Variants in MTF1 observed in about 807,000 individuals in gnomAD.
MTF1 encodes MRE-binding transcription factor.
In MTF1, 22 loss-of-function variants were observed where a neutral mutation model predicts 70.4. That is an observed-to-expected ratio of 0.31 (90% CI 0.22 to 0.45). The LOEUF is 0.45. Among genes scored for constraint, MTF1 ranks in the 20% least tolerant of loss-of-function variants. The probability of loss-of-function intolerance (pLI) is 1.00; values close to 1 mark genes in which losing one functional copy is unlikely to be tolerated. For synonymous variants in MTF1, 333 were observed against 352.8 expected, an observed-to-expected ratio of 0.94 and a Z score of 0.63; for missense variants, 649 against 922.0, an observed-to-expected ratio of 0.70 and a Z score of 3.83.
chr1:37,852,463 T>A (rs1641430281), intron 2 of MTF1, among the ~76,000 whole-genome samples: 1 of 152,176 alleles, frequency 6.6e-6, no homozygotes, highest in African/African-American at 2.4e-5. Context: ...CTCCTCAGCA[T>A]GCACACAGCA....
intron 2 of MTF1, chr1:37,841,787 TG>T (rs1641258349): frequency 6.6e-6 from 1 of 152,414 alleles, no homozygotes; most frequent in Non-Finnish European, 1.5e-5. Flanking sequence ...CCCATCACTT[TG>T]GGAGGCCAAG....
chr1:37,830,872 T>C (rs1557591088), intron 7 of MTF1, among the ~76,000 whole-genome samples: 1 of 152,218 alleles, frequency 6.6e-6, no homozygotes, highest in African/African-American at 2.4e-5. Flanking sequence ...AGAGAGTTTA[T>C]ACACAGAACT....
intron 2 of MTF1, among the ~76,000 whole-genome samples, chr1:37,854,693 A>G (rs1377730541): frequency 6.6e-6 from 1 of 152,254 alleles, no homozygotes; most frequent in Non-Finnish European, 1.5e-5. Flanking sequence ...GTCCAGATTA[A>G]GAGATAAGAG....
Position 37,840,964 on chromosome 1 carries a change from C to A in MTF1, c.409-806G>T. ...GCTGAGGCCATGGAGCTCTCAGAGG[C>A]AAGGCTGAGAACAAGGAGTGGATGC... On this transcript the variant is annotated intron_variant, in intron 2 of 10. Coordinates refer to ENST00000373036, the MANE Select transcript of MTF1 (RefSeq NM_005955.3). This position sits in a 1 kb window ranked among gnomAD's most constrained non-coding sequence, Gnocchi z 4.5. 4.5e-6 allele frequency: 1 copy of A among 219,954 alleles called. No homozygotes were observed. The highest frequency in any genetic ancestry group is 9.1e-6 in the Non-Finnish European group (1 of 110,106). The allele number at this position is 219,954 out of a possible 1,614,324, so 13.6% of individuals were successfully genotyped here. A position where few individuals can be genotyped will look rare whatever the true frequency, so the allele number is the denominator to read the frequency against.
chr1:37,818,289 G>A (rs1287052247), intron 9 of MTF1, among the ~76,000 whole-genome samples: 1 of 152,154 alleles, frequency 6.6e-6, no homozygotes, highest in African/African-American at 2.4e-5. Context: ...TTTATAAGAA[G>A]AGTAAGAGAA....
At chr1:37,832,985 G>A (rs1285058547) in intron 6 of MTF1, among the ~76,000 whole-genome samples, 4 of 150,124 alleles carry the variant, frequency 2.7e-5, no homozygotes, top group East Asian at 1.9e-4. Context: ...CAGCCTGGGC[G>A]ACAAGAGTGA....
rs747276634 is a variant in MTF1 at position 37,833,812 on chromosome 1, T to G, written c.990+1267A>C. Among the ~76,000 whole-genome samples the G allele has an allele frequency of 9.4e-4, 143 of 151,798 alleles. 3 individuals are homozygous for G. Among genetic ancestry groups the G allele is most frequent in the Non-Finnish European group, 3.1e-4 (21 of 67,966 alleles). On this transcript the variant is annotated intron_variant, in intron 6 of 10. Transcript: ENST00000373036. ...AGTGAAGGAAAGAGGGTATCAACCATGCACATATCTAGAGAAGATGTTCCA... is the reference window on the plus strand; with the variant it reads ...AGTGAAGGAAAGAGGGTATCAACCAGGCACATATCTAGAGAAGATGTTCCA...
In MTF1 at chr1:37,857,659, G is replaced by T; in HGVS notation, c.-1C>A. ...TGTTGTCTGGACTGTGTTCCCCCAT[G>T]GTTCAGTTGTGCTCAGCCCAGTTGT... On this transcript the variant is annotated 5_prime_UTR_variant, in exon 2 of 11. Transcript: ENST00000373036. The T allele has an allele frequency of 6.2e-7, 1 of 1,613,266 alleles. No homozygotes were observed. The highest frequency in any genetic ancestry group is 8.5e-7 in the Non-Finnish European group (1 of 1,179,664).
intron 7 of MTF1, among the ~76,000 whole-genome samples, chr1:37,825,161 C>G (rs1158216907): frequency 6.6e-6 from 1 of 152,174 alleles, no homozygotes; most frequent in African/African-American, 2.4e-5. Context: ...ATGCCAGTCA[C>G]CTCAAGGGCT....
chr1:37,835,676 T>G lies in MTF1; in HGVS notation c.848A>C (p.His283Pro). ...SHHLKTHVRT[H>P]TGERPFFCPS... is the part of the protein sequence containing the mutation. The stretch of plus-strand genomic sequence containing the variant: ...AAAAATTGGCCTAAACTCACCAGTA[T>G]GTGTACGAACGTGAGTTTTAAGGTG... Residue 283 changes from histidine (H) to proline (P), a missense_variant, in exon 5 of 11, where the codon CAT (histidine) becomes CCT (proline). Transcript: ENST00000373036. 1 of 1,614,158 alleles carries G rather than the reference T, an allele frequency of 6.2e-7. No individual in the cohort carries two copies. Among genetic ancestry groups the G allele is most frequent in the Non-Finnish European group, 8.5e-7 (1 of 1,179,968 alleles).
At chr1:37,848,785 CACTT>C (rs1641370293) in intron 2 of MTF1, among the ~76,000 whole-genome samples, 1 of 152,154 alleles carries the variant, frequency 6.6e-6, no homozygotes, top group Admixed American at 6.5e-5. Flanking sequence ...CAGAGCCTCA[CACTT>C]ACAAGCCATC....
In MTF1 at chr1:37,822,583, T is replaced by C; in HGVS notation, c.1305A>G (p.Leu435=). Residue 435 remains leucine, a synonymous_variant, in exon 9 of 11, where the codon CTA becomes CTG. Transcript: ENST00000373036. ...PGLSEPPQPL[L]PASAPSAPPP... ...GAGGAGCAGACGGAGCTGAGGCAGGTAGTAGAGGCTGGGGTGGCTCGGAGA... is the reference window on the plus strand; with the variant it reads ...GAGGAGCAGACGGAGCTGAGGCAGGCAGTAGAGGCTGGGGTGGCTCGGAGA... The C allele has an allele frequency of 6.2e-7, 1 of 1,613,822 alleles. No individual in the cohort carries two copies. Among genetic ancestry groups the C allele is most frequent in the Non-Finnish European group, 8.5e-7 (1 of 1,179,978 alleles).
At position 37,840,041 on chromosome 1, in the gene MTF1, C is replaced by T; in HGVS notation, c.526G>A (p.Gly176Ser). 6.2e-7 allele frequency: 1 copy of T among 1,614,236 alleles called. No homozygotes were observed. Among genetic ancestry groups the T allele is most frequent in the Non-Finnish European group, 8.5e-7 (1 of 1,180,042 alleles). Reference sequence around the variant, plus strand: ...GAGGTAAGGAAGGCTTTGCCACAGCCCTCCTGATTACAGACAAAGGTGTAC... The same window carrying T: ...GAGGTAAGGAAGGCTTTGCCACAGCTCTCCTGATTACAGACAAAGGTGTAC... ...GEYTFVCNQEGCGKAFLTSYS... is the reference protein window; with the variant it reads ...GEYTFVCNQESCGKAFLTSYS... Residue 176 changes from glycine (G) to serine (S), a missense_variant, in exon 3 of 11, where the codon GGC becomes AGC. By Grantham distance (56) the Gly-to-Ser change is moderately conservative. Coordinates refer to ENST00000373036, the MANE Select transcript of MTF1 (RefSeq NM_005955.3). The surrounding 1 kb of genome is among the most constrained non-coding windows in gnomAD (Gnocchi z 4.5).
At chr1:37,838,515 A>G in intron 4 of MTF1, 110 bp downstream of exon 4, 1 of 920,906 alleles carries the variant, frequency 1.1e-6, no homozygotes, top group South Asian at 1.8e-5. Flanking sequence ...AACACTGCTA[A>G]ATCAAGAGCT....
At chr1:37,817,577 A>T in intron 9 of MTF1, 95 bp from the exon 10 acceptor site, 1 of 856,676 alleles carries the variant, frequency 1.2e-6, no homozygotes, top group Non-Finnish European at 2.0e-6. Flanking sequence ...TCATCCAAGA[A>T]GACAGAAAAC....
intron 2 of MTF1, among the ~76,000 whole-genome samples, chr1:37,844,736 CT>C (rs2148417480): frequency 1.3e-5 from 2 of 152,296 alleles, no homozygotes; most frequent in African/African-American, 4.8e-5. Flanking sequence ...TAACTACCCC[CT>C]CCTGTCTCCC....
intron 9 of MTF1, among the ~76,000 whole-genome samples, chr1:37,818,263 G>C (rs913805526): frequency 2.6e-5 from 4 of 152,204 alleles, no homozygotes; most frequent in African/African-American, 9.7e-5. Flanking sequence ...GTTATCATGG[G>C]AGTGGGACTG....
Position 37,815,212 on chromosome 1 carries a change from G to C in MTF1, c.2186C>G (p.Pro729Arg). 1 of 1,614,126 alleles carries C rather than the reference G, an allele frequency of 6.2e-7. No individual in the cohort carries two copies. ...EFLSLQSLDT[P>R]SNLIPIEALL... Reference sequence around the variant, plus strand: ...TGCTTCAATGGGAATCAGATTGGACGGGGTGTCCAGGCTCTGGAGGGATAG... The same window carrying C: ...TGCTTCAATGGGAATCAGATTGGACCGGGTGTCCAGGCTCTGGAGGGATAG... Residue 729 changes from proline (P) to arginine (R), a missense_variant, in exon 11 of 11, where the codon CCG (proline) becomes CGG (arginine). This residue lies in a region of MTF1 where 138 missense variants were observed against 134.4 expected (regional missense o/e 1.03). Coordinates refer to ENST00000373036, the MANE Select transcript of MTF1 (RefSeq NM_005955.3). This position sits in a 1 kb window ranked among gnomAD's most constrained non-coding sequence, Gnocchi z 4.5.
Position 37,814,939 on chromosome 1 carries a change from G to GT in MTF1, c.*196dup. 1.8e-6 allele frequency: 1 copy of GT among 558,780 alleles called. No individual in the cohort carries two copies. The highest frequency in any genetic ancestry group is 3.1e-6 in the Non-Finnish European group (1 of 321,454). 34.6% of individuals were successfully genotyped at this position (558,780 alleles called of 1,614,324 possible). A position where few individuals can be genotyped will look rare whatever the true frequency, so the allele number is the denominator to read the frequency against. On this transcript the variant is annotated 3_prime_UTR_variant, in exon 11 of 11. Coordinates refer to ENST00000373036, the MANE Select transcript of MTF1 (RefSeq NM_005955.3). The stretch of plus-strand genomic sequence containing the variant: ...CTTAGCTTTTTTTGTTGTTTTTTTT[G>GT]TTTTTTGTTTTTTTCCAAAGAATAG...
Sources: gnomAD v4.1 joint callset for allele counts (sites outside exome capture counted in the v4.1 genomes callset) on GRCh38, gnomAD v4.1.1 for gene constraint, gnomAD v4.1.1 regional missense constraint, Gnocchi (gnomAD v3.1) non-coding constraint, MANE v1.5 for transcripts, NCBI Gene and HGNC (gene_info 2026-07-23, HGNC 2026-07-21) for gene names.